The following EXOC3L2 variants were observed in gnomAD, a reference collection of about 807,000 sequenced individuals.
EXOC3L2 encodes exocyst complex component 3 like 2, also known as exocyst complex component 3-like protein 2.
A neutral mutation model predicts 44.4 loss-of-function variants in EXOC3L2; 17 were observed. The observed-to-expected ratio is 0.38, with a 90% confidence interval of 0.26 to 0.57. The LOEUF is 0.57. Among genes scored for constraint, EXOC3L2 ranks in the 20% least tolerant of loss-of-function variants. The pLI is 0.65. For synonymous variants in EXOC3L2, 256 were observed against 253.7 expected (o/e 1.01, Z -0.09); for missense variants, 541 against 588.4 (o/e 0.92, Z 0.83).
chr19:45,242,649 G>A (rs2122997106), intron 1 of EXOC3L2, among the ~76,000 whole-genome samples: 1 of 152,180 alleles, frequency 6.6e-6, no homozygotes, highest in South Asian at 2.1e-4. Context: ...ATCACCTGAG[G>A]TCAGGAGTTT....
chr19:45,244,846 C>A (rs907911262), intron 1 of EXOC3L2, among the ~76,000 whole-genome samples: 1 of 152,000 alleles, frequency 6.6e-6, no homozygotes, highest in Non-Finnish European at 1.5e-5. Flanking sequence ...AAACACAATC[C>A]TGTCATCAGC....
At chr19:45,227,612 G>T (rs1451301842) in intron 7 of EXOC3L2, 50 bp downstream of exon 7, 2 of 1,516,502 alleles carry the variant, frequency 1.3e-6, no homozygotes, top group East Asian at 2.3e-5. Flanking sequence ...TCCCAGGTCA[G>T]CTTCCACCTT....
intron 8 of EXOC3L2, among the ~76,000 whole-genome samples, chr19:45,220,877 G>A (rs1187269051): frequency 6.6e-6 from 1 of 151,860 alleles, no homozygotes; most frequent in Non-Finnish European, 1.5e-5. Context: ...AGATAGGGAG[G>A]GGATGAAAGG....
Position 45,213,082 on chromosome 19 carries a change from C to G in EXOC3L2, c.2396G>C (p.Arg799Pro), listed in dbSNP as rs768632277. Residue 799 changes from arginine (R) to proline (P), a missense_variant, in exon 12 of 12, where the codon CGG (arginine) becomes CCG (proline). Coordinates refer to ENST00000413988, the MANE Select transcript of EXOC3L2 (RefSeq NM_001382422.1). ...RPRPPSLARP[R>P]AQR ...GTTGGGTGACCCTCAGCGCTGGGCCCGAGGTCGCGCTAGAGACGGAGGCCG... is the reference window on the plus strand; with the variant it reads ...GTTGGGTGACCCTCAGCGCTGGGCCGGAGGTCGCGCTAGAGACGGAGGCCG... The G allele has an allele frequency of 4.0e-5, 60 of 1,503,516 alleles. No individual in the cohort carries two copies. Among genetic ancestry groups the G allele is most frequent in the Non-Finnish European group, 5.3e-5 (60 of 1,131,530 alleles). The allele number at this position is 1,503,516 out of a possible 1,614,324, so 93.1% of individuals were successfully genotyped here.
rs201487385 is a variant in EXOC3L2, at chr19:45,215,174, C to A, written c.2120+899G>T. Among the ~76,000 whole-genome samples, 102 of 151,996 alleles carry A rather than the reference C, an allele frequency of 6.7e-4. 2 individuals are homozygous for A. The East Asian group carries it at 9.9e-3, about 15-fold the overall frequency. On this transcript the variant is annotated intron_variant, in intron 11 of 11. Transcript: ENST00000413988. ...AAACAAAACAAACAACAACAAAATA[C>A]CCCTTATAAAGTTGGCATGGGCTGG...
intron 4 of EXOC3L2, among the ~76,000 whole-genome samples, chr19:45,230,060 T>G (rs1970014403): frequency 6.6e-6 from 1 of 152,026 alleles, no homozygotes; most frequent in Admixed American, 6.6e-5. Flanking sequence ...CGTCTTGCTC[T>G]GTCCCCCAGG....
Position 45,231,727 on chromosome 19 carries a change from G to T in EXOC3L2, c.1269+36C>A, listed in dbSNP as rs772578859. On this transcript the variant is annotated intron_variant, in intron 4 of 11. Transcript: ENST00000413988. Reference sequence around the variant, plus strand: ...CCCACTGTGACCCCCTCCCTCCACAGCACCTCCTGCTTCCAAAATGCAAAG... The same window carrying T: ...CCCACTGTGACCCCCTCCCTCCACATCACCTCCTGCTTCCAAAATGCAAAG... 4.5e-6 allele frequency: 7 copies of T among 1,569,716 alleles called. No homozygotes were observed. The Admixed American group carries it at 1.0e-4, about 23-fold the overall frequency.
chr19:45,223,059 C>T (rs1174371847), intron 8 of EXOC3L2, among the ~76,000 whole-genome samples: 2 of 152,062 alleles, frequency 1.3e-5, no homozygotes, highest in African/African-American at 4.8e-5. Flanking sequence ...TCAAGACCAG[C>T]CTGGGCAACA....
chr19:45,225,337 T>C (rs10412614), intron 7 of EXOC3L2, among the ~76,000 whole-genome samples: 12,818 of 151,710 alleles, frequency 0.084, 719 homozygotes, highest in African/African-American at 0.16. Context: ...GGTGCCATCT[T>C]GGCTCACTGT....
chr19:45,244,835 C>T (rs1368465315), intron 1 of EXOC3L2, among the ~76,000 whole-genome samples: 7 of 152,120 alleles, frequency 4.6e-5, no homozygotes, highest in African/African-American at 1.7e-4. Context: ...TCCTTGACCC[C>T]AAACACAATC....
chr19:45,221,383 C>T (rs1330290178), intron 8 of EXOC3L2, among the ~76,000 whole-genome samples: 2 of 151,662 alleles, frequency 1.3e-5, no homozygotes, highest in Non-Finnish European at 2.9e-5. Context: ...GACGGAATCT[C>T]GCTCTGTCGC....
chr19:45,224,808 G>C lies in EXOC3L2; in HGVS notation c.1689C>G (p.Val563=), dbSNP rs546141963. The part of the protein sequence containing the change: ...LDHVTRLCHR[V]VANLLFQELQ... ...GCTCCTGGAACAGCAGGTTGGCCAC[G>C]ACACGGTGGCAGAGCCGGGTCACAT... Residue 563 remains valine (V), a synonymous_variant, in exon 8 of 12, where the codon GTC becomes GTG. Transcript: ENST00000413988. The C allele has an allele frequency of 2.8e-5, 44 of 1,570,234 alleles. No homozygotes were observed. Among genetic ancestry groups the C allele is most frequent in the Non-Finnish European group, 3.6e-5 (42 of 1,157,592 alleles).
intron 2 of EXOC3L2, among the ~76,000 whole-genome samples, chr19:45,237,602 TG>T (rs943678470): frequency 2.0e-5 from 3 of 151,712 alleles, no homozygotes; most frequent in African/African-American, 7.3e-5. Context: ...GGAATAAGTG[TG>T]GGGTGAGAAC....
chr19:45,216,302 G>A (rs1372197883), intron 10 of EXOC3L2, 108 bp from the exon 11 acceptor site: 2 of 1,435,998 alleles, frequency 1.4e-6, no homozygotes, highest in Non-Finnish European at 1.9e-6. Flanking sequence ...GAAACCAGGG[G>A]TGGTGGCTCA....
intron 4 of EXOC3L2, among the ~76,000 whole-genome samples, chr19:45,229,493 C>T (rs867304844): frequency 1.4e-5 from 2 of 146,834 alleles, no homozygotes; most frequent in Non-Finnish European, 3.0e-5. Context: ...TCTATATTAA[C>T]ATATAAATAT....
intron 11 of EXOC3L2, among the ~76,000 whole-genome samples, chr19:45,213,792 T>C (rs1423543758): frequency 6.8e-6 from 1 of 146,386 alleles, no homozygotes; most frequent in Non-Finnish European, 1.5e-5. Context: ...TAAAAATACA[T>C]TAAAAAAAAA....
chr19:45,239,563 C>G (rs1284611822), intron 1 of EXOC3L2, among the ~76,000 whole-genome samples: 2 of 149,586 alleles, frequency 1.3e-5, no homozygotes, highest in African/African-American at 4.9e-5. Flanking sequence ...CTCTGTCACC[C>G]AGGCTGGAGT....
chr19:45,218,158 T>TTGGCCC, intron 9 of EXOC3L2, 39 bp downstream of exon 9: 1 of 1,034,906 alleles, frequency 9.7e-7, no homozygotes. Context: ...TCCCCTCTTT[T>TTGGCCC]CCCCCACCCC....
chr19:45,219,393 C>CAAA (rs950797638), intron 8 of EXOC3L2, among the ~76,000 whole-genome samples: 29 of 51,488 alleles, frequency 5.6e-4, no homozygotes, highest in African/African-American at 1.2e-3. Context: ...GGCCCCGTCT[C>CAAA]AAAAAAAAAA....
Sources: gnomAD v4.1 joint callset for allele counts (sites outside exome capture counted in the v4.1 genomes callset) on GRCh38, gnomAD v4.1.1 for gene constraint, MANE v1.5 for transcripts, NCBI Gene and HGNC (gene_info 2026-07-23, HGNC 2026-07-21) for gene names.